The following CADM2 variants were observed in gnomAD, a reference collection of about 807,000 sequenced individuals.
CADM2 encodes immunoglobulin superfamily member 4D.
CADM2 carries 12 observed loss-of-function variants against 49.8 expected under a neutral mutation model. The ratio of observed to expected loss-of-function variants is 0.24; its 90% CI spans 0.15 to 0.39. CADM2 has a LOEUF of 0.39. CADM2 is among the 10% of genes least tolerant of loss of function. The pLI, the probability that CADM2 is intolerant of heterozygous loss-of-function variation, is 1.00. For synonymous variants in CADM2, 214 were observed against 175.4 expected, an observed-to-expected ratio of 1.22 and a Z score of -1.74; for missense variants, 378 against 492.3, an observed-to-expected ratio of 0.77 and a Z score of 2.20.
chr3:85,219,532 T>C (rs1182189393), intron 1 of CADM2, among the ~76,000 whole-genome samples: 1 of 152,210 alleles, frequency 6.6e-6, no homozygotes, highest in African/African-American at 2.4e-5. Flanking sequence ...CCCTGGTATC[T>C]TCTTTCAACA....
At chr3:85,774,398 A>G (rs2070255303) in intron 2 of CADM2, among the ~76,000 whole-genome samples, 1 of 151,836 alleles carries the variant, frequency 6.6e-6, no homozygotes, top group Non-Finnish European at 1.5e-5. Flanking sequence ...AGCAGTTTAA[A>G]GAGGAAGATT....
At chr3:86,052,216 A>G (rs1253600130) in intron 8 of CADM2, among the ~76,000 whole-genome samples, 1 of 152,180 alleles carries the variant, frequency 6.6e-6, no homozygotes, top group Non-Finnish European at 1.5e-5. Context: ...ATTTAATGAT[A>G]TCTATGAAAA....
chr3:84,977,347 G>A (rs1018447694), intron 1 of CADM2, among the ~76,000 whole-genome samples: 1 of 151,950 alleles, frequency 6.6e-6, no homozygotes, highest in African/African-American at 2.4e-5. Context: ...TCTTGGAAGA[G>A]CACTGATAAT....
At chr3:85,620,394 G>A (rs1405394790) in intron 1 of CADM2, among the ~76,000 whole-genome samples, 4 of 151,734 alleles carry the variant, frequency 2.6e-5, no homozygotes, top group South Asian at 2.1e-4. Flanking sequence ...ATACACTTAC[G>A]TATAAAGATG....
intron 1 of CADM2, among the ~76,000 whole-genome samples, chr3:85,587,329 T>G (rs2062972593): frequency 6.6e-6 from 1 of 152,088 alleles, no homozygotes; most frequent in African/African-American, 2.4e-5. Context: ...AAGAAAAATC[T>G]TATTTGTTCC....
intron 8 of CADM2, among the ~76,000 whole-genome samples, chr3:86,036,438 A>G (rs1011995296): frequency 6.6e-6 from 1 of 151,994 alleles, no homozygotes; most frequent in African/African-American, 2.4e-5. Context: ...CCCCCTTGCT[A>G]AATCTCTTCT....
chr3:85,611,431 G>A (rs2063679819), intron 1 of CADM2, among the ~76,000 whole-genome samples: 1 of 151,708 alleles, frequency 6.6e-6, no homozygotes, highest in Middle Eastern at 3.2e-3. Flanking sequence ...GGTTAGTTGA[G>A]CACCTGTTTT....
At chr3:85,632,180 A>G (rs766201139) in intron 1 of CADM2, among the ~76,000 whole-genome samples, 3 of 150,776 alleles carry the variant, frequency 2.0e-5, no homozygotes, top group Non-Finnish European at 4.4e-5. Flanking sequence ...AATGAATCTC[A>G]TGAAATCTAA....
intron 3 of CADM2, among the ~76,000 whole-genome samples, chr3:85,854,227 A>C (rs1234323052): frequency 3.3e-5 from 5 of 152,152 alleles, no homozygotes; most frequent in Non-Finnish European, 5.9e-5. Flanking sequence ...AGTGCTTATA[A>C]AAATAATGTG....
At chr3:85,020,928 T>C (rs1382515919) in intron 1 of CADM2, among the ~76,000 whole-genome samples, 4 of 152,048 alleles carry the variant, frequency 2.6e-5, no homozygotes, top group Admixed American at 6.6e-5. Flanking sequence ...AAAATTCATA[T>C]TATATGGCAT....
chr3:85,753,317 A>G (rs2068949964), intron 2 of CADM2, among the ~76,000 whole-genome samples: 1 of 152,168 alleles, frequency 6.6e-6, no homozygotes, highest in Non-Finnish European at 1.5e-5. Context: ...AAAAGAAGAA[A>G]GAGGAAGGGG....
chr3:86,023,392 GTTTTT>G (rs1229989418), intron 8 of CADM2, among the ~76,000 whole-genome samples: 1,413 of 120,576 alleles, frequency 0.012, 17 homozygotes, highest in Non-Finnish European at 0.018. Context: ...GTTTTGTTTT[GTTTTT>G]TTGAGACAGA....
chr3:85,104,776 G>T (rs1247534470), intron 1 of CADM2, among the ~76,000 whole-genome samples: 3 of 152,030 alleles, frequency 2.0e-5, no homozygotes, highest in African/African-American at 7.2e-5. Flanking sequence ...TCCTTAATGA[G>T]GTCCTTCACA....
At chr3:85,494,847 G>A (rs2039821752) in intron 1 of CADM2, among the ~76,000 whole-genome samples, 1 of 152,144 alleles carries the variant, frequency 6.6e-6, no homozygotes, top group Admixed American at 6.5e-5. Context: ...ATGCATTGCT[G>A]TAACTCCCTT....
At chr3:85,312,903 T>G (rs1393355139) in intron 1 of CADM2, among the ~76,000 whole-genome samples, 2 of 152,196 alleles carry the variant, frequency 1.3e-5, no homozygotes, top group South Asian at 2.1e-4. Flanking sequence ...AAGAATTAAT[T>G]TATTTTTCAA....
intron 1 of CADM2, among the ~76,000 whole-genome samples, chr3:85,298,824 G>A (rs745773181): frequency 2.0e-5 from 3 of 152,018 alleles, no homozygotes; most frequent in Non-Finnish European, 4.4e-5. Flanking sequence ...CAGTAAGAAG[G>A]ATAACATATA....
chr3:86,062,564 G>T (rs1184988815), intron 8 of CADM2, among the ~76,000 whole-genome samples: 3 of 151,928 alleles, frequency 2.0e-5, no homozygotes, highest in Admixed American at 6.6e-5. Context: ...GATTTCTTGA[G>T]GTCGGGAATT....
intron 1 of CADM2, among the ~76,000 whole-genome samples, chr3:85,707,125 C>T (rs1410144076): frequency 6.6e-6 from 1 of 152,004 alleles, no homozygotes; most frequent in Non-Finnish European, 1.5e-5. Flanking sequence ...AGCCACCAAG[C>T]CCAACCTTAC....
At chr3:85,921,068 A>C (rs1013202610) in intron 6 of CADM2, among the ~76,000 whole-genome samples, 1 of 151,942 alleles carries the variant, frequency 6.6e-6, no homozygotes. Context: ...AATTATTTTT[A>C]AGTCAGTCTA....
Sources: gnomAD v4.1 joint callset for allele counts (sites outside exome capture counted in the v4.1 genomes callset) on GRCh38, gnomAD v4.1.1 for gene constraint, MANE v1.5 for transcripts, NCBI Gene and HGNC (gene_info 2026-07-23, HGNC 2026-07-21) for gene names.